The following DNER variants were observed in gnomAD, a reference collection of about 807,000 sequenced individuals.
The protein encoded by DNER is delta/notch like EGF repeat containing, also known as delta and Notch-like epidermal growth factor-related receptor.
DNER carries 33 observed loss-of-function variants against 78.2 expected under a neutral mutation model. The observed-to-expected ratio is 0.42, with a 90% CI of 0.32 to 0.56. The LOEUF (loss-of-function observed/expected upper bound fraction) is 0.56, where lower values mean the gene tolerates loss of function less well. DNER is among the 20% of genes least tolerant of loss of function. The pLI, the probability that DNER is intolerant of heterozygous loss-of-function variation, is 0.11. For missense variants in DNER, 918 were observed against 975.3 expected, an observed-to-expected ratio of 0.94 and a Z score of 0.78; for synonymous variants, 417 against 384.8, an observed-to-expected ratio of 1.08 and a Z score of -0.98.
intron 1 of DNER, among the ~76,000 whole-genome samples, chr2:229,601,857 C>T (rs1289346487): frequency 1.3e-5 from 2 of 152,234 alleles, no homozygotes; most frequent in African/African-American, 4.8e-5. Flanking sequence ...TGCTCAGCTG[C>T]AGATATATCA....
intron 11 of DNER, among the ~76,000 whole-genome samples, chr2:229,387,516 AAAG>A (rs770092433): frequency 0.014 from 1,353 of 93,692 alleles, 14 homozygotes; most frequent in Admixed American, 0.027. Context: ...AGAGAGAAAG[AAAG>A]AAAGAAAGAA....
intron 1 of DNER, among the ~76,000 whole-genome samples, chr2:229,666,978 G>T (rs1487290760): frequency 6.6e-6 from 1 of 152,212 alleles, no homozygotes; most frequent in Non-Finnish European, 1.5e-5. Context: ...GCCAACAAAG[G>T]TCACATTTGG....
chr2:229,569,739 A>T (rs963780956), intron 4 of DNER, among the ~76,000 whole-genome samples: 33 of 151,550 alleles, frequency 2.2e-4, no homozygotes, highest in African/African-American at 7.8e-4. Flanking sequence ...TTTATTTTTT[A>T]TTTTTTTCAA....
intron 4 of DNER, among the ~76,000 whole-genome samples, chr2:229,563,500 T>A (rs1287106747): frequency 1.4e-5 from 2 of 139,448 alleles, no homozygotes; most frequent in East Asian, 4.8e-4. Flanking sequence ...CACCCCATCA[T>A]CATCATCAAC....
At chr2:229,673,574 C>T (rs1341954488) in intron 1 of DNER, among the ~76,000 whole-genome samples, 3 of 152,342 alleles carry the variant, frequency 2.0e-5, no homozygotes, top group Middle Eastern at 3.4e-3. Context: ...ACTGCCTGTG[C>T]TTTGAACAGT....
At chr2:229,455,975 C>T (rs1460307750) in intron 7 of DNER, among the ~76,000 whole-genome samples, 6 of 152,130 alleles carry the variant, frequency 3.9e-5, no homozygotes, top group African/African-American at 1.2e-4. Context: ...AAGCTCCTAA[C>T]CAGCACTCTG....
chr2:229,683,681 T>C (rs1327941552), intron 1 of DNER, among the ~76,000 whole-genome samples: 1 of 152,158 alleles, frequency 6.6e-6, no homozygotes. Flanking sequence ...ATAATGATCA[T>C]GATGGCGATG....
At chr2:229,417,646 C>CT (rs999939858) in intron 9 of DNER, among the ~76,000 whole-genome samples, 1 of 132,718 alleles carries the variant, frequency 7.5e-6, no homozygotes, top group African/African-American at 2.5e-5. Flanking sequence ...TGGAAACACT[C>CT]TGTCAATGTC....
At chr2:229,542,121 C>A (rs1176875060) in intron 5 of DNER, among the ~76,000 whole-genome samples, 1 of 151,794 alleles carries the variant, frequency 6.6e-6, no homozygotes, top group Non-Finnish European at 1.5e-5. Context: ...CCTAAACCAA[C>A]CAAGAGCCCC....
At position 229,697,804 on chromosome 2, in the gene DNER, G is replaced by T. The variant is rs948827612; in HGVS notation, c.276+16344C>A. Among the ~76,000 whole-genome samples, 177 of 152,302 alleles carry T rather than the reference G, an allele frequency of 1.2e-3. 2 individuals carry two copies. The highest frequency in any genetic ancestry group is 2.6e-4 in the Non-Finnish European group (18 of 68,020). ...AACCCATGAAGGAAGCAGGTGTACA[G>T]GTGAGCCCTAACAGGAAATAAAGAC... On this transcript the variant is annotated intron_variant, in intron 1 of 12. Transcript: ENST00000341772.
chr2:229,704,100 A>G (rs141240342), intron 1 of DNER, among the ~76,000 whole-genome samples: 2 of 152,354 alleles, frequency 1.3e-5, no homozygotes, highest in Admixed American at 1.3e-4. Flanking sequence ...ATATGAAAAG[A>G]TGTTCAACAC....
At chr2:229,587,952 A>T (rs1697531908) in intron 3 of DNER, among the ~76,000 whole-genome samples, 2 of 152,010 alleles carry the variant, frequency 1.3e-5, no homozygotes, top group African/African-American at 4.8e-5. Context: ...AGAAAACTGT[A>T]AAAATAAATA....
intron 1 of DNER, among the ~76,000 whole-genome samples, chr2:229,641,951 C>G (rs1416939517): frequency 6.6e-6 from 1 of 152,014 alleles, no homozygotes; most frequent in Admixed American, 6.6e-5. Flanking sequence ...CGAGATATAA[C>G]ATTAGGGTGT....
At chr2:229,366,173 TAAAAC>T (rs1299615370) in intron 12 of DNER, among the ~76,000 whole-genome samples, 2 of 152,204 alleles carry the variant, frequency 1.3e-5, no homozygotes, top group Admixed American at 6.5e-5. Context: ...TCCCAGAACT[TAAAAC>T]AAAAGTTGAA....
intron 8 of DNER, among the ~76,000 whole-genome samples, chr2:229,438,012 A>G (rs1049732533): frequency 1.3e-5 from 2 of 152,190 alleles, no homozygotes; most frequent in African/African-American, 2.4e-5. Context: ...AGTCACAGGA[A>G]AGGAAGTTTC....
In DNER at chr2:229,709,666, G is replaced by T. The variant is rs114429830; in HGVS notation, c.276+4482C>A. 9.2e-3 allele frequency among the ~76,000 whole-genome samples: 1,400 copies of T among 152,290 alleles called. 23 individuals are homozygous for T. The highest frequency in any genetic ancestry group is 0.032 in the African/African-American group (1,329 of 41,546). On this transcript the variant is annotated intron_variant, in intron 1 of 12. Transcript: ENST00000341772. ...TCAGTTTAATAAGTAAATTTAACTTGCATGAAAAGCAGCCACACATGTCCC... is the reference window on the plus strand; with the variant it reads ...TCAGTTTAATAAGTAAATTTAACTTTCATGAAAAGCAGCCACACATGTCCC...
chr2:229,458,135 C>CAAAAAAAAAAAAAAAAAAAAAA (rs61340733), intron 7 of DNER, among the ~76,000 whole-genome samples: 5 of 17,718 alleles, frequency 2.8e-4, no homozygotes, highest in African/African-American at 6.4e-4. Context: ...GACTCTATCT[C>CAAAAAAAAAAAAAAAAAAAAAA]AAAAAAAAAA....
At chr2:229,697,567 T>C (rs1242606191) in intron 1 of DNER, among the ~76,000 whole-genome samples, 6 of 152,204 alleles carry the variant, frequency 3.9e-5, no homozygotes, top group African/African-American at 1.4e-4. Flanking sequence ...GAATTGGAGA[T>C]ATGGGATGAT....
Position 229,621,913 on chromosome 2 carries a change from G to A in DNER, c.277-30025C>T, listed in dbSNP as rs374400797. On this transcript the variant is annotated intron_variant, in intron 1 of 12. Coordinates refer to ENST00000341772, the MANE Select transcript of DNER (RefSeq NM_139072.4). ...AACCTAGCTAACACTGTGAAACCCCGTCTCTACTAAAAATAAAAAAAAATT... is the reference window on the plus strand; with the variant it reads ...AACCTAGCTAACACTGTGAAACCCCATCTCTACTAAAAATAAAAAAAAATT... 2.2e-4 allele frequency among the ~76,000 whole-genome samples: 33 copies of A among 152,116 alleles called. No homozygotes were observed. In the East Asian group the frequency reaches 5.2e-3, roughly 24 times the overall value.
Sources: allele counts gnomAD v4.1 joint callset (sites outside exome capture counted in the v4.1 genomes callset), GRCh38; gene constraint gnomAD v4.1.1; transcripts MANE v1.5; gene names NCBI Gene and HGNC (gene_info 2026-07-23, HGNC 2026-07-21).